The following ZNF469 variants were observed in gnomAD, a reference collection of about 807,000 sequenced individuals.
ZNF469 encodes zinc finger protein 469.
A neutral mutation model predicts 1.0 loss-of-function variants in ZNF469; 1 was observed. The observed-to-expected ratio is 1.00, with a 90% CI of 0.35 to 4.73. The LOEUF (loss-of-function observed/expected upper bound fraction) is 4.73, where lower values mean the gene tolerates loss of function less well. Ranked by LOEUF, ZNF469 falls within the 30% of genes most tolerant of loss-of-function variation. The pLI is 0.16. For synonymous variants in ZNF469, 2,703 were observed against 2,363.4 expected (o/e 1.14, Z -4.17); for missense variants, 6,100 against 5,356.3 (o/e 1.14, Z -4.33).
Position 88,424,128 on chromosome 16 carries a change from T to C in ZNF469, c.-191-679T>C, listed in dbSNP as rs886594147. Among the ~76,000 whole-genome samples the C allele has an allele frequency of 3.9e-5, 6 of 152,230 alleles. No homozygotes were observed. Among genetic ancestry groups the C allele is most frequent in the African/African-American group, 1.2e-4 (5 of 41,462 alleles). ...GTGGTGACCATTGCTGTATTGTTTC[T>C]AAGGGCCGAATGCAGGCAGCAGCCC... On this transcript the variant is annotated intron_variant, in intron 1 of 2. Transcript: ENST00000565624. The surrounding 1 kb of genome is among the most constrained non-coding windows in gnomAD (Gnocchi z 4.3).
the ZNF469 span, among the ~76,000 whole-genome samples, chr16:88,186,469 C>G: frequency 6.6e-6 from 1 of 152,310 alleles, no homozygotes; most frequent in Admixed American, 6.5e-5. Flanking sequence ...GCCAGGCTCC[C>G]ATCACGTGCC....
At chr16:88,169,303 T>C in the ZNF469 span, among the ~76,000 whole-genome samples, 3 of 152,206 alleles carry the variant, frequency 2.0e-5, no homozygotes, top group Non-Finnish European at 4.4e-5. This position sits in a 1 kb window ranked among gnomAD's most constrained non-coding sequence, Gnocchi z 6.1. Context: ...TTTCCGCGAA[T>C]GTGTACAGTT....
At chr16:88,414,481 T>A (rs1307170580) in intron 1 of ZNF469, among the ~76,000 whole-genome samples, 1 of 152,182 alleles carries the variant, frequency 6.6e-6, no homozygotes, top group Non-Finnish European at 1.5e-5. Context: ...GGCGCCGGGA[T>A]TTGAAAGGTG....
chr16:88,293,098 ATGGATGGG>A, the ZNF469 span, among the ~76,000 whole-genome samples: 1 of 152,154 alleles, frequency 6.6e-6, no homozygotes, highest in Non-Finnish European at 1.5e-5. Context: ...GGGTGGATGG[ATGGATGGG>A]TGGATGGGTG....
the ZNF469 span, among the ~76,000 whole-genome samples, chr16:88,111,708 C>G: frequency 5.9e-5 from 9 of 152,208 alleles, no homozygotes; most frequent in Non-Finnish European, 1.0e-4. Flanking sequence ...GCCATCTCAG[C>G]TCACTGCAAC....
the ZNF469 span, among the ~76,000 whole-genome samples, chr16:88,129,325 G>C: frequency 6.6e-6 from 1 of 152,202 alleles, no homozygotes; most frequent in Non-Finnish European, 1.5e-5. Flanking sequence ...GGGGTCTGGC[G>C]GGCAGGAGGT....
the ZNF469 span, among the ~76,000 whole-genome samples, chr16:88,133,213 C>T: frequency 6.6e-6 from 1 of 152,374 alleles, no homozygotes; most frequent in African/African-American, 2.4e-5. Flanking sequence ...AGGGCTCCTT[C>T]CGCCCTCGTC....
At chr16:88,151,415 C>T in the ZNF469 span, among the ~76,000 whole-genome samples, 2 of 152,344 alleles carry the variant, frequency 1.3e-5, no homozygotes, top group South Asian at 2.1e-4. The surrounding 1 kb of genome is among the most constrained non-coding windows in gnomAD (Gnocchi z 5.4). Flanking sequence ...GAGTGTTTCC[C>T]GATGGAACGG....
the ZNF469 span, among the ~76,000 whole-genome samples, chr16:88,243,911 CATATATAT>C: frequency 0.014 from 356 of 26,268 alleles, 8 homozygotes; most frequent in African/African-American, 0.027. Context: ...TGGCTGGATG[CATATATAT>C]ATATATATAT....
chr16:88,185,381 TGC>T, the ZNF469 span, among the ~76,000 whole-genome samples: 13,180 of 147,484 alleles, frequency 0.089, 813 homozygotes, highest in East Asian at 0.27. Flanking sequence ...CACTTGTGTG[TGC>T]AGAGAACACA....
At chr16:88,373,064 C>A in the ZNF469 span, among the ~76,000 whole-genome samples, 2 of 152,260 alleles carry the variant, frequency 1.3e-5, no homozygotes, top group African/African-American at 4.8e-5. Context: ...ACAGAATCCC[C>A]TGGCTTGGTA....
chr16:88,236,452 G>A, the ZNF469 span, among the ~76,000 whole-genome samples: 69 of 152,360 alleles, frequency 4.5e-4, no homozygotes, highest in African/African-American at 1.5e-3. Context: ...ATAGGGAGGC[G>A]GGTATAAAGA....
chr16:88,302,962 C>A, the ZNF469 span, among the ~76,000 whole-genome samples: 20,587 of 152,228 alleles, frequency 0.14, 1,618 homozygotes, highest in Middle Eastern at 0.24. Context: ...GGGCGTGGAA[C>A]TCAGCAGTGC....
At chr16:88,256,904 T>TCTC in the ZNF469 span, among the ~76,000 whole-genome samples, 6 of 15,840 alleles carry the variant, frequency 3.8e-4, no homozygotes, top group Admixed American at 2.2e-3. Flanking sequence ...CCTTCTTTCT[T>TCTC]TCTTTCTTTC....
At chr16:88,357,098 C>T in the ZNF469 span, among the ~76,000 whole-genome samples, 3 of 152,240 alleles carry the variant, frequency 2.0e-5, no homozygotes, top group South Asian at 4.1e-4. Context: ...CTGACCCGGG[C>T]CGGGCTGGCC....
chr16:88,270,899 C>G, the ZNF469 span, among the ~76,000 whole-genome samples: 2 of 152,240 alleles, frequency 1.3e-5, no homozygotes, highest in Non-Finnish European at 2.9e-5. Flanking sequence ...TTCATTCATT[C>G]TTGTTTTCAG....
At chr16:88,231,303 C>T in the ZNF469 span, among the ~76,000 whole-genome samples, 1 of 152,212 alleles carries the variant, frequency 6.6e-6, no homozygotes, top group African/African-American at 2.4e-5. This position sits in a 1 kb window ranked among gnomAD's most constrained non-coding sequence, Gnocchi z 4.5. Context: ...TTGGGCGGGG[C>T]TCAGGGAACC....
intron 1 of ZNF469, among the ~76,000 whole-genome samples, chr16:88,390,349 G>A (rs1374384276): frequency 6.6e-6 from 1 of 152,204 alleles, no homozygotes; most frequent in Non-Finnish European, 1.5e-5. Context: ...CGAGGTCAGG[G>A]CACCTGTCCA....
At chr16:88,352,075 A>G in the ZNF469 span, among the ~76,000 whole-genome samples, 4 of 152,182 alleles carry the variant, frequency 2.6e-5, no homozygotes, top group African/African-American at 9.7e-5. Flanking sequence ...GAACACCCGG[A>G]ACAGGCACAC....
Sources: allele counts gnomAD v4.1 joint callset (sites outside exome capture counted in the v4.1 genomes callset), GRCh38; gene constraint gnomAD v4.1.1; non-coding constraint Gnocchi (gnomAD v3.1); transcripts MANE v1.5; gene names NCBI Gene and HGNC (gene_info 2026-07-23, HGNC 2026-07-21).